ARHGAP31: variants seen among roughly 807,000 people sequenced by gnomAD.
The protein encoded by ARHGAP31 is Rho GTPase activating protein 31, also known as rho GTPase-activating protein 31.
Under a neutral mutation model 113.9 loss-of-function variants are expected in ARHGAP31, and 34 were observed. That is an observed-to-expected ratio of 0.30 (90% CI 0.23 to 0.40). The LOEUF (loss-of-function observed/expected upper bound fraction) is 0.40, where lower values mean the gene tolerates loss of function less well. ARHGAP31 is among the 10% of genes least tolerant of loss of function. The pLI is 1.00. For missense variants in ARHGAP31, 1,548 were observed against 1,767.1 expected, an observed-to-expected ratio of 0.88 and a Z score of 2.22; for synonymous variants, 650 against 684.8, an observed-to-expected ratio of 0.95 and a Z score of 0.79.
intron 1 of ARHGAP31, among the ~76,000 whole-genome samples, chr3:119,330,689 A>G (rs1027244071): frequency 6.6e-6 from 1 of 152,232 alleles, no homozygotes; most frequent in Non-Finnish European, 1.5e-5. Context: ...GATTGTCTCC[A>G]AGTGACTGTC....
At chr3:119,340,634 C>T (rs566665515) in intron 1 of ARHGAP31, among the ~76,000 whole-genome samples, 34 of 152,296 alleles carry the variant, frequency 2.2e-4, no homozygotes, top group African/African-American at 8.2e-4. Context: ...CAGTTCTTCC[C>T]TTACAAGGTC....
chr3:119,390,913 A>G lies in ARHGAP31; in HGVS notation c.811A>G (p.Asn271Asp), dbSNP rs770110254. Residue 271 changes from asparagine to aspartate, a missense_variant, in exon 7 of 12, where the codon AAC (asparagine) becomes GAC (aspartate). Physicochemically the swap from Asn to Asp is conservative, Grantham distance 23. Transcript: ENST00000264245. ...TCCTGCTCGCAAGGAAAGGAGGGAG[A>G]ACAGCCTGCCTGAGATTGTCCCTCC... ...NHPARKERRE[N>D]SLPEIVPPMG... The G allele has an allele frequency of 9.9e-6, 16 of 1,613,986 alleles. No homozygotes were observed. The highest frequency in any genetic ancestry group is 1.4e-5 in the Non-Finnish European group (16 of 1,180,034).
At chr3:119,340,325 G>T (rs1287044570) in intron 1 of ARHGAP31, among the ~76,000 whole-genome samples, 2 of 152,230 alleles carry the variant, frequency 1.3e-5, no homozygotes, top group African/African-American at 4.8e-5. Context: ...GAGCTTAGCT[G>T]ATGCCAATGG....
intron 1 of ARHGAP31, among the ~76,000 whole-genome samples, chr3:119,363,344 T>C (rs1230435312): frequency 6.6e-6 from 1 of 152,188 alleles, no homozygotes; most frequent in African/African-American, 2.4e-5. Flanking sequence ...ATAGCTCTTC[T>C]GGTTGAAGAC....
intron 8 of ARHGAP31, among the ~76,000 whole-genome samples, chr3:119,396,685 A>T (rs62266700): frequency 9.2e-5 from 14 of 152,096 alleles, no homozygotes; most frequent in African/African-American, 3.4e-4. Flanking sequence ...GTGGATTAAC[A>T]TATGTAAATA....
At chr3:119,389,212 C>A (rs1012820525) in intron 6 of ARHGAP31, among the ~76,000 whole-genome samples, 3 of 151,856 alleles carry the variant, frequency 2.0e-5, no homozygotes, top group Non-Finnish European at 4.4e-5. Context: ...ACAAAAAAAA[C>A]CATCTAATCA....
At chr3:119,339,108 G>C (rs1453486547) in intron 1 of ARHGAP31, among the ~76,000 whole-genome samples, 1 of 152,208 alleles carries the variant, frequency 6.6e-6, no homozygotes, top group Non-Finnish European at 1.5e-5. Context: ...GAAGCAATTT[G>C]AGATTCCCAA....
rs553051726 is a variant in ARHGAP31, at chr3:119,419,398, C to G, written c.*3134C>G. 6.6e-5 allele frequency: 10 copies of G among 152,260 alleles called. No homozygotes were observed. Among genetic ancestry groups the G allele is most frequent in the African/African-American group, 2.2e-4 (9 of 41,554 alleles). The allele number at this position is 152,260 out of a possible 1,614,324, so 9.4% of individuals were successfully genotyped here. On this transcript the variant is annotated 3_prime_UTR_variant, in exon 12 of 12. Coordinates refer to ENST00000264245, the MANE Select transcript of ARHGAP31 (RefSeq NM_020754.4). ...ACAAGAACCCCATTAAGACACCTAA[C>G]CTAATCTAAACCCTAAAATTCAAAA...
intron 1 of ARHGAP31, among the ~76,000 whole-genome samples, chr3:119,300,794 T>A (rs1206221209): frequency 1.4e-5 from 2 of 143,808 alleles, no homozygotes; most frequent in African/African-American, 2.6e-5. Context: ...ACCACTGCAC[T>A]CCAGCCTGGG....
chr3:119,330,009 G>A, intron 1 of ARHGAP31: 2 of 985,426 alleles, frequency 2.0e-6, no homozygotes, highest in South Asian at 9.4e-5. Context: ...TATCATCGGT[G>A]ACTCCATTTG....
intron 1 of ARHGAP31, among the ~76,000 whole-genome samples, chr3:119,332,635 TCACACACACACACACA>T (rs71156743): frequency 5.8e-5 from 5 of 85,664 alleles, no homozygotes; most frequent in African/African-American, 1.6e-4. Context: ...TCTCTCTCTC[TCACACACACACACACA>T]CACACACACA....
intron 1 of ARHGAP31, among the ~76,000 whole-genome samples, chr3:119,361,531 G>A (rs1183454858): frequency 1.3e-5 from 2 of 151,952 alleles, no homozygotes; most frequent in African/African-American, 2.4e-5. Flanking sequence ...ACAGGCACCC[G>A]CCACCACACC....
intron 6 of ARHGAP31, among the ~76,000 whole-genome samples, chr3:119,387,331 G>A (rs552311925): frequency 1.2e-4 from 18 of 152,230 alleles, no homozygotes; most frequent in African/African-American, 4.1e-4. Flanking sequence ...TCTCTATATG[G>A]CCTGGTTTTT....
At chr3:119,370,270 C>T (rs1001696724) in intron 3 of ARHGAP31, among the ~76,000 whole-genome samples, 1 of 152,068 alleles carries the variant, frequency 6.6e-6, no homozygotes, top group Non-Finnish European at 1.5e-5. Context: ...TAAGAGTAAT[C>T]CTATTTAATA....
chr3:119,340,952 G>C (rs2080002728), intron 1 of ARHGAP31, among the ~76,000 whole-genome samples: 2 of 152,146 alleles, frequency 1.3e-5, no homozygotes, highest in African/African-American at 4.8e-5. Flanking sequence ...TCATTCAGCT[G>C]GCCAGAGGAG....
rs146278925 is a variant in ARHGAP31 at position 119,402,133 on chromosome 3, C to T, written c.1381C>T (p.Pro461Ser). Reference protein sequence around the residue: ...LGMFYTSNDSPSKSVFTSSLF... With the variant: ...LGMFYTSNDSSSKSVFTSSLF... ...TATGTTCTACACTTCGAACGACAGC[C>T]CTAGCAAATCCGTCTTCACCAGCAG... The change falls in exon 10 of 12, where the codon CCT becomes TCT. Residue 461 changes from proline (P) to serine (S), a missense_variant. Pro to Ser is a moderately conservative substitution (Grantham distance 74). Coordinates refer to ENST00000264245, the MANE Select transcript of ARHGAP31 (RefSeq NM_020754.4). 2 of 1,614,274 alleles carry T rather than the reference C, an allele frequency of 1.2e-6. No individual in the cohort carries two copies. The highest frequency in any genetic ancestry group is 2.2e-5 in the East Asian group (1 of 44,892).
At chr3:119,392,583 TG>T (rs1336579362) in intron 7 of ARHGAP31, among the ~76,000 whole-genome samples, 1 of 152,236 alleles carries the variant, frequency 6.6e-6, no homozygotes, top group Non-Finnish European at 1.5e-5. Context: ...TTCCAATGGC[TG>T]GGCAGAGCCA....
chr3:119,294,681 C>T lies in ARHGAP31; in HGVS notation c.-224C>T. On this transcript the variant is annotated 5_prime_UTR_variant, in exon 1 of 12. Transcript: ENST00000264245. ...GGCCCGCGGCTGCCAGTCTGCACGG[C>T]CTCGGCACGGCGGCCCCGGAGCGGC... 1 of 589,952 alleles carries T rather than the reference C, an allele frequency of 1.7e-6. No homozygotes were observed. Among genetic ancestry groups the T allele is most frequent in the East Asian group, 2.9e-5 (1 of 34,480 alleles). The allele number at this position is 589,952 out of a possible 1,614,324, so 36.5% of individuals were successfully genotyped here.
Position 119,415,942 on chromosome 3 carries a change from G to A in ARHGAP31, c.4013G>A (p.Arg1338Lys), listed in dbSNP as rs775555581. The change falls in exon 12 of 12, where the codon AGG becomes AAG. Residue 1338 changes from arginine to lysine, a missense_variant. Coordinates refer to ENST00000264245, the MANE Select transcript of ARHGAP31 (RefSeq NM_020754.4). Reference protein sequence around the residue: ...RPSGGSKPFHRSRPGRPQSLI... With the variant: ...RPSGGSKPFHKSRPGRPQSLI... ...TCTGGGGGTTCTAAGCCTTTCCACA[G>A]GTCAAGGCCAGGAAGACCTCAGAGC... 3 of 1,614,038 alleles carry A rather than the reference G, an allele frequency of 1.9e-6. No individual in the cohort carries two copies. The highest frequency in any genetic ancestry group is 2.5e-6 in the Non-Finnish European group (3 of 1,180,046).
Sources: allele counts gnomAD v4.1 joint callset (sites outside exome capture counted in the v4.1 genomes callset), GRCh38; gene constraint gnomAD v4.1.1; transcripts MANE v1.5; gene names NCBI Gene and HGNC (gene_info 2026-07-23, HGNC 2026-07-21).